Variants in GLRX2 observed in about 807,000 individuals in gnomAD.
GLRX2 encodes bA101E13.1 (GRX2 glutaredoxin (thioltransferase) 2).
A neutral mutation model predicts 16.4 loss-of-function variants in GLRX2; 12 were observed. The ratio of observed to expected loss-of-function variants is 0.73; its 90% CI spans 0.47 to 1.19. The LOEUF (loss-of-function observed/expected upper bound fraction) is 1.19. GLRX2 is among the 50% of genes most tolerant of loss of function. The pLI is 0.00. For synonymous variants in GLRX2, 95 were observed against 76.2 expected (o/e 1.25, Z -1.28); for missense variants, 201 against 201.8 (o/e 1.00, Z 0.02).
At chr1:193,099,336 TTTTTG>T (rs981333863) in intron 2 of GLRX2, among the ~76,000 whole-genome samples, 5 of 152,114 alleles carry the variant, frequency 3.3e-5, no homozygotes, top group Admixed American at 6.5e-5. Flanking sequence ...TCTAGGTTTT[TTTTTG>T]TTTTGTTTTG....
intron 2 of GLRX2, among the ~76,000 whole-genome samples, chr1:193,100,536 A>G (rs1482944034): frequency 6.6e-6 from 1 of 152,196 alleles, no homozygotes; most frequent in African/African-American, 2.4e-5. Flanking sequence ...AACAGCTAGG[A>G]GTTTAGCCAA....
upstream of GLRX2, chr1:193,105,524 C>G: frequency 6.4e-7 from 1 of 1,561,376 alleles, no homozygotes; most frequent in Non-Finnish European, 8.7e-7. Context: ...CACCTCCTCG[C>G]AGCTGAGCGC....
intron 1 of GLRX2, 148 bp downstream of exon 1, chr1:193,105,116 C>T: frequency 8.0e-7 from 1 of 1,257,122 alleles, no homozygotes; most frequent in Non-Finnish European, 1.0e-6. Context: ...CCTCGAGCGC[C>T]TCTGCGTGTT....
upstream of GLRX2, chr1:193,105,698 T>G: frequency 2.6e-6 from 4 of 1,532,748 alleles, no homozygotes; most frequent in Non-Finnish European, 2.6e-6. Flanking sequence ...TCCCAGGCAC[T>G]TGGAAGCAGT....
rs1233109115 is a variant in GLRX2 at position 193,096,732 on chromosome 1, A to G, written c.388T>C (p.Phe130Leu). The change falls in exon 4 of 4, where the codon TTT (phenylalanine) becomes CTT (leucine). Residue 130 changes from phenylalanine to leucine, a missense_variant. Transcript: ENST00000367439. ...TGAGTGTCAGTTGCACCTCCAATAA[A>G]AGTACCATTGACAAATATTCTTGGA... ...TVPRIFVNGT[F>L]IGGATDTHRL... 2 of 1,611,486 alleles carry G rather than the reference A, an allele frequency of 1.2e-6. No individual in the cohort carries two copies. Among genetic ancestry groups the G allele is most frequent in the East Asian group, 4.5e-5 (2 of 44,808 alleles).
At chr1:193,104,397 G>GA (rs1259959865) in intron 1 of GLRX2, among the ~76,000 whole-genome samples, 1 of 152,086 alleles carries the variant, frequency 6.6e-6, no homozygotes, top group African/African-American at 2.4e-5. Flanking sequence ...GGGATACGCA[G>GA]AAAAAAACAC....
At chr1:193,103,315 A>C (rs769987960) in intron 1 of GLRX2, among the ~76,000 whole-genome samples, 7 of 152,210 alleles carry the variant, frequency 4.6e-5, no homozygotes, top group African/African-American at 7.2e-5. Flanking sequence ...ACAAGGTATA[A>C]GTGCTTAGTT....
rs535222896 is a variant in GLRX2, at chr1:193,098,274, C to T, written c.184-514G>A. ...CTCCTTTTTCAGCCGGGTACAGTGG[C>T]TCATACCTGTAATCCCAGCACTGTG... On this transcript the variant is annotated intron_variant, in intron 2 of 3. Coordinates refer to ENST00000367439, the MANE Select transcript of GLRX2 (RefSeq NM_197962.3). Among the ~76,000 whole-genome samples the T allele has an allele frequency of 3.3e-5, 5 of 152,254 alleles. No homozygotes were observed. The East Asian group carries it at 9.7e-4, about 30-fold the overall frequency.
chr1:193,105,927 G>C (rs1010358930), upstream of GLRX2: 1 of 1,044,480 alleles, frequency 9.6e-7, no homozygotes, highest in Non-Finnish European at 1.1e-6. Context: ...ATAATTAAAA[G>C]AAAAAATCCG....
At chr1:193,101,237 T>G in intron 1 of GLRX2, 33 bp from the exon 2 acceptor site, 1 of 1,266,628 alleles carries the variant, frequency 7.9e-7, no homozygotes, top group Non-Finnish European at 1.2e-6. Context: ...ATGTAGTTTA[T>G]TAAGCATTAA....
intron 2 of GLRX2, among the ~76,000 whole-genome samples, chr1:193,099,941 C>A (rs1019267944): frequency 4.6e-5 from 7 of 152,188 alleles, no homozygotes; most frequent in African/African-American, 1.7e-4. Context: ...TCAACCTTGT[C>A]ACAACACCAA....
chr1:193,102,642 C>T (rs556960655), intron 1 of GLRX2, among the ~76,000 whole-genome samples: 1 of 152,218 alleles, frequency 6.6e-6, no homozygotes, highest in African/African-American at 2.4e-5. Flanking sequence ...TGTAAGCCAC[C>T]GCGCCTGGCC....
Position 193,105,343 on chromosome 1 carries a change from C to G in GLRX2, c.40G>C (p.Val14Leu). 1.5e-5 allele frequency: 23 copies of G among 1,547,556 alleles called. No homozygotes were observed. The highest frequency in any genetic ancestry group is 2.0e-5 in the Non-Finnish European group (23 of 1,156,808). The change falls in exon 1 of 4, where the codon GTT (valine) becomes CTT (leucine). Residue 14 changes from valine (V) to leucine (L), a missense_variant. Physicochemically the swap from Val to Leu is conservative, Grantham distance 32 (BLOSUM62 1). Coordinates refer to ENST00000367439, the MANE Select transcript of GLRX2 (RefSeq NM_197962.3). ...CCTGCCGAGCCGCTCCTGCTCCAAA[C>G]CAGCCGCGTCCCCGCCAGCGCCGCG... is the stretch of plus-strand genomic sequence containing the variant. ...RRAALAGTRL[V>L]WSRSGSAGWL...
chr1:193,105,230 C>T, intron 1 of GLRX2, 34 bp downstream of exon 1: 1 of 1,529,738 alleles, frequency 6.5e-7, no homozygotes, highest in African/African-American at 1.4e-5. Flanking sequence ...GCCTGCGCAC[C>T]ACGCCGCGGC....
chr1:193,101,155 C>G lies in GLRX2; in HGVS notation c.169G>C (p.Val57Leu). The G allele has an allele frequency of 6.2e-7, 1 of 1,611,022 alleles. No individual in the cohort carries two copies. Among genetic ancestry groups the G allele is most frequent in the South Asian group, 1.1e-5 (1 of 91,030 alleles). The stretch of plus-strand genomic sequence containing the variant: ...ACATCACTCACTTGGATCTGGTTCA[C>G]AGGCGCCGTCGCTAAATTCTCCAAA... ...SSLENLATAP[V>L]NQIQETISDN... The change falls in exon 2 of 4, where the codon GTG becomes CTG. Residue 57 changes from valine (V) to leucine (L), a missense_variant. Val to Leu is a conservative substitution (Grantham distance 32, BLOSUM62 1). Coordinates refer to ENST00000367439, the MANE Select transcript of GLRX2 (RefSeq NM_197962.3).
intron 3 of GLRX2, among the ~76,000 whole-genome samples, chr1:193,097,283 A>G (rs924698645): frequency 6.6e-6 from 1 of 152,242 alleles, no homozygotes; most frequent in Non-Finnish European, 1.5e-5. Flanking sequence ...TGTATTGCCC[A>G]GGTAAAGGGA....
At chr1:193,104,246 G>A (rs751126604) in intron 1 of GLRX2, among the ~76,000 whole-genome samples, 1 of 152,098 alleles carries the variant, frequency 6.6e-6, no homozygotes, top group Non-Finnish European at 1.5e-5. Flanking sequence ...AAAAACTGTC[G>A]CGAACTATGA....
intron 1 of GLRX2, among the ~76,000 whole-genome samples, chr1:193,102,096 A>C (rs1017161903): frequency 6.6e-6 from 1 of 152,238 alleles, no homozygotes; most frequent in African/African-American, 2.4e-5. Flanking sequence ...GACATATAAT[A>C]GATGTTTCAA....
upstream of GLRX2, chr1:193,105,417 C>G (rs1041096512): frequency 2.7e-6 from 4 of 1,484,034 alleles, no homozygotes; most frequent in South Asian, 1.3e-5. Context: ...GCTCTACTGC[C>G]GGACACCGCG....
Sources: gnomAD v4.1 joint callset for allele counts (sites outside exome capture counted in the v4.1 genomes callset) on GRCh38, gnomAD v4.1.1 for gene constraint, MANE v1.5 for transcripts, NCBI Gene and HGNC (gene_info 2026-07-23, HGNC 2026-07-21) for gene names.